TMEM108: variants seen among roughly 807,000 people sequenced by gnomAD.
The protein encoded by TMEM108 is cancer/testis antigen 124.
TMEM108 carries 12 observed loss-of-function variants against 35.1 expected under a neutral mutation model. That is an observed-to-expected ratio of 0.34 (90% confidence interval 0.22 to 0.55). The LOEUF is 0.55. Among genes scored for constraint, TMEM108 ranks in the 20% least tolerant of loss-of-function variants. TMEM108 has a pLI of 0.89. For missense variants in TMEM108, 680 were observed against 753.3 expected, an observed-to-expected ratio of 0.90 and a Z score of 1.14; for synonymous variants, 287 against 308.6, an observed-to-expected ratio of 0.93 and a Z score of 0.73.
chr3:133,119,097 T>A (rs944054012), intron 2 of TMEM108: 3 of 152,170 alleles, frequency 2.0e-5, no homozygotes, highest in African/African-American at 7.2e-5. Context: ...GATCGTACAG[T>A]GGCTGGAAAC....
intron 2 of TMEM108, among the ~76,000 whole-genome samples, chr3:133,050,571 G>T (rs1250705310): frequency 5.3e-5 from 8 of 151,876 alleles, no homozygotes; most frequent in Non-Finnish European, 1.5e-5. Flanking sequence ...TACATTCTTT[G>T]GTTTTAGACC....
intron 3 of TMEM108, among the ~76,000 whole-genome samples, chr3:133,288,623 G>A (rs1947018746): frequency 6.6e-6 from 1 of 152,146 alleles, no homozygotes. Flanking sequence ...GTCTGATGAT[G>A]CTTCCCTGCA....
chr3:133,329,414 C>T (rs2071367353), intron 3 of TMEM108, among the ~76,000 whole-genome samples: 1 of 152,166 alleles, frequency 6.6e-6, no homozygotes, highest in South Asian at 2.1e-4. Context: ...TGCCTAGATC[C>T]TATGACAGCC....
rs371623398 is a variant in TMEM108 at position 133,073,484 on chromosome 3, TTCTC to T, written c.-47+27488_-47+27491del. Among the ~76,000 whole-genome samples, 59 of 55,624 alleles carry T rather than the reference TTCTC, an allele frequency of 1.1e-3. 1 individual carries two copies. The highest frequency in any genetic ancestry group is 1.2e-3 in the South Asian group (2 of 1,730). The allele number at this position is 55,624 out of a possible 152,430, so 36.5% of individuals were successfully genotyped here. A position where few individuals can be genotyped will look rare whatever the true frequency, so the allele number is the denominator to read the frequency against. ...TTTTTTAAGGCTGAATAGTATTCTA[TTCTC>T]TCTCTCTCTCTCTCTCTCTCTCTAT... On this transcript the variant is annotated intron_variant, in intron 2 of 5. Coordinates refer to ENST00000321871, the MANE Select transcript of TMEM108 (RefSeq NM_023943.4).
At chr3:133,087,135 A>C (rs1029115066) in intron 2 of TMEM108, among the ~76,000 whole-genome samples, 4 of 152,162 alleles carry the variant, frequency 2.6e-5, no homozygotes, top group African/African-American at 9.7e-5. Context: ...AACTCAGCCT[A>C]GACTTCTTCC....
intron 3 of TMEM108, among the ~76,000 whole-genome samples, chr3:133,262,422 C>G (rs1257678756): frequency 6.6e-6 from 1 of 152,212 alleles, no homozygotes; most frequent in East Asian, 1.9e-4. Flanking sequence ...TTTCTATGAA[C>G]TACATCAATC....
intron 2 of TMEM108, among the ~76,000 whole-genome samples, chr3:133,191,303 A>G (rs1368245528): frequency 6.6e-6 from 1 of 152,142 alleles, no homozygotes; most frequent in Non-Finnish European, 1.5e-5. Context: ...CAATTCACCA[A>G]GTTTTCTCTC....
At chr3:133,065,603 A>G (rs10935043) in intron 2 of TMEM108, among the ~76,000 whole-genome samples, 97,458 of 151,968 alleles carry the variant, frequency 0.64, 32,007 homozygotes, top group African/African-American at 0.79. Context: ...GCATTTAATT[A>G]ATAGCTTCTC....
intron 2 of TMEM108, among the ~76,000 whole-genome samples, chr3:133,204,203 CT>C (rs1945716118): frequency 6.6e-6 from 1 of 150,564 alleles, no homozygotes; most frequent in Non-Finnish European, 1.5e-5. Flanking sequence ...TTTTATTAGC[CT>C]GGTTGGCAGT....
chr3:133,342,676 G>A (rs1328334996), intron 3 of TMEM108, among the ~76,000 whole-genome samples: 1 of 150,034 alleles, frequency 6.7e-6, no homozygotes, highest in Non-Finnish European at 1.5e-5. Flanking sequence ...AATAAATACT[G>A]CATCTTCTTA....
At chr3:133,387,287 C>G in intron 4 of TMEM108, 1 of 985,406 alleles carries the variant, frequency 1.0e-6, no homozygotes, top group Non-Finnish European at 1.2e-6. Flanking sequence ...AAGTGACTTT[C>G]CAGGTGGAAT....
At chr3:133,275,903 G>T (rs892486263) in intron 3 of TMEM108, among the ~76,000 whole-genome samples, 1 of 152,128 alleles carries the variant, frequency 6.6e-6, no homozygotes, top group East Asian at 1.9e-4. Context: ...TTCAGTATTA[G>T]GTTCAGTATT....
chr3:133,210,823 C>T (rs186118479), intron 2 of TMEM108, among the ~76,000 whole-genome samples: 2 of 152,150 alleles, frequency 1.3e-5, no homozygotes, highest in Non-Finnish European at 2.9e-5. Flanking sequence ...CTCTTGCTCA[C>T]GTATTTTCCA....
At chr3:133,349,492 TAGC>T (rs2071926098) in intron 3 of TMEM108, among the ~76,000 whole-genome samples, 1 of 151,908 alleles carries the variant, frequency 6.6e-6, no homozygotes, top group Non-Finnish European at 1.5e-5. Flanking sequence ...GCAAAGGAAA[TAGC>T]AGAGTGAAGA....
intron 2 of TMEM108, among the ~76,000 whole-genome samples, chr3:133,060,794 G>A (rs532292342): frequency 2.1e-4 from 32 of 152,264 alleles, no homozygotes; most frequent in African/African-American, 7.2e-4. Flanking sequence ...TAACTGCATA[G>A]CCATGAAACG....
chr3:133,056,489 T>C (rs973422118), intron 2 of TMEM108, among the ~76,000 whole-genome samples: 4 of 152,238 alleles, frequency 2.6e-5, no homozygotes, highest in African/African-American at 9.6e-5. Context: ...GGGATGCTTA[T>C]GGGCATGGTA....
chr3:133,361,074 A>C (rs930923983), intron 3 of TMEM108, among the ~76,000 whole-genome samples: 1 of 152,134 alleles, frequency 6.6e-6, no homozygotes, highest in African/African-American at 2.4e-5. Flanking sequence ...ATAGGAATCA[A>C]CCTTACTTGC....
intron 2 of TMEM108, among the ~76,000 whole-genome samples, chr3:133,189,143 T>G (rs2107812297): frequency 1.3e-5 from 2 of 152,356 alleles, no homozygotes; most frequent in South Asian, 4.1e-4. Flanking sequence ...CTCTTTCCTC[T>G]TACTACCTGT....
chr3:133,343,273 AATG>A (rs1474244690), intron 3 of TMEM108, among the ~76,000 whole-genome samples: 2 of 151,910 alleles, frequency 1.3e-5, no homozygotes, highest in East Asian at 3.9e-4. Flanking sequence ...GATGGGAAGA[AATG>A]ATGATACAAT....
Sources: allele counts gnomAD v4.1 joint callset (sites outside exome capture counted in the v4.1 genomes callset), GRCh38; gene constraint gnomAD v4.1.1; transcripts MANE v1.5; gene names NCBI Gene and HGNC (gene_info 2026-07-23, HGNC 2026-07-21).